The following ANXA8 variants were observed in gnomAD, a reference collection of about 807,000 sequenced individuals.
The protein encoded by ANXA8 is VAC-beta.
A neutral mutation model predicts 26.8 loss-of-function variants in ANXA8; 9 were observed. The observed-to-expected ratio is 0.34, with a 90% CI of 0.20 to 0.59. ANXA8 has a LOEUF of 0.59. ANXA8 is among the 20% of genes least tolerant of loss of function. The probability of loss-of-function intolerance (pLI) is 0.84; values close to 1 mark genes in which losing one functional copy is unlikely to be tolerated. For synonymous variants in ANXA8, 39 were observed against 94.8 expected (o/e 0.41, Z 3.42); for missense variants, 83 against 238.5 (o/e 0.35, Z 4.29).
the ANXA8 span, among the ~76,000 whole-genome samples, chr10:47,730,635 G>C: frequency 1.3e-5 from 2 of 152,042 alleles, no homozygotes; most frequent in Non-Finnish European, 2.9e-5. Context: ...TTGTCTTTTG[G>C]TTTCTTCCTT....
chr10:47,491,549 C>T, the ANXA8 span: 15 of 1,426,130 alleles, frequency 1.1e-5, no homozygotes, highest in Non-Finnish European at 1.4e-5. Flanking sequence ...CCCACAGACC[C>T]AGTCTGCCCC....
chr10:47,722,971 A>G, the ANXA8 span, among the ~76,000 whole-genome samples: 1 of 137,718 alleles, frequency 7.3e-6, no homozygotes, highest in African/African-American at 2.6e-5. Context: ...GAGCACAGGT[A>G]CATTGCAAAT....
the ANXA8 span, among the ~76,000 whole-genome samples, chr10:47,950,498 A>C: frequency 6.6e-6 from 1 of 150,992 alleles, no homozygotes; most frequent in Admixed American, 6.6e-5. Flanking sequence ...GCAATAAATC[A>C]ATCAACGCAA....
the ANXA8 span, among the ~76,000 whole-genome samples, chr10:47,740,963 C>T: frequency 1.9e-4 from 29 of 151,958 alleles, no homozygotes; most frequent in African/African-American, 4.6e-4. Flanking sequence ...TTACACTCTC[C>T]GCAGCCAAAA....
the ANXA8 span, among the ~76,000 whole-genome samples, chr10:47,941,927 G>A: frequency 6.8e-6 from 1 of 147,904 alleles, no homozygotes; most frequent in Non-Finnish European, 1.5e-5. Context: ...GCTGTATCAT[G>A]TAGTGAAAGA....
the ANXA8 span, among the ~76,000 whole-genome samples, chr10:47,918,411 AAG>A: frequency 5.0e-3 from 150 of 30,008 alleles, 1 homozygote; most frequent in African/African-American, 0.032. Flanking sequence ...GAAAGAAAGA[AAG>A]AAAGAAAGAA....
chr10:47,744,523 C>G, the ANXA8 span, among the ~76,000 whole-genome samples: 1 of 150,492 alleles, frequency 6.6e-6, no homozygotes, highest in Non-Finnish European at 1.5e-5. Context: ...CCCACTCTGG[C>G]AGTCACTCCA....
At chr10:47,627,460 T>A in the ANXA8 span, among the ~76,000 whole-genome samples, 1 of 150,148 alleles carries the variant, frequency 6.7e-6, no homozygotes, top group Non-Finnish European at 1.5e-5. Context: ...TTTTTGTTAC[T>A]GCCAAGATTC....
chr10:47,520,796 G>A, the ANXA8 span, among the ~76,000 whole-genome samples: 3 of 83,302 alleles, frequency 3.6e-5, no homozygotes, highest in African/African-American at 1.8e-4. Context: ...AGGTCAGGAA[G>A]TTGAGGCCAG....
the ANXA8 span, among the ~76,000 whole-genome samples, chr10:47,941,322 G>T: frequency 6.8e-6 from 1 of 146,386 alleles, no homozygotes; most frequent in Non-Finnish European, 1.5e-5. Context: ...TGCTCTGAGC[G>T]TGGGGATGGT....
chr10:47,967,244 A>G, the ANXA8 span, among the ~76,000 whole-genome samples: 1 of 150,654 alleles, frequency 6.6e-6, no homozygotes, highest in African/African-American at 2.4e-5. Flanking sequence ...TTCCATTTTT[A>G]GTACTTCTGG....
At chr10:47,769,843 T>A in the ANXA8 span, among the ~76,000 whole-genome samples, 14 of 152,380 alleles carry the variant, frequency 9.2e-5, no homozygotes, top group African/African-American at 3.4e-4. Context: ...ATATTGCTTA[T>A]AAAGGAATTC....
chr10:47,553,044 A>C, the ANXA8 span, among the ~76,000 whole-genome samples: 14 of 152,166 alleles, frequency 9.2e-5, no homozygotes, highest in East Asian at 2.7e-3. Context: ...ACTGGCCGGG[A>C]GTTAGGAGAG....
chr10:47,553,811 C>T, the ANXA8 span, among the ~76,000 whole-genome samples: 1 of 149,196 alleles, frequency 6.7e-6, no homozygotes, highest in Non-Finnish European at 1.5e-5. Flanking sequence ...GCTGTGCGGC[C>T]TGGCGCGGGT....
At chr10:47,486,258 C>T (rs1840044392), upstream of ANXA8, among the ~76,000 whole-genome samples, 1 of 150,990 alleles carries the variant, frequency 6.6e-6, no homozygotes, top group South Asian at 2.1e-4. Flanking sequence ...TTGCTAAATT[C>T]TTCATCAAGC....
At chr10:47,612,474 C>T in the ANXA8 span, among the ~76,000 whole-genome samples, 6 of 70,880 alleles carry the variant, frequency 8.5e-5, 2 homozygotes, top group Non-Finnish European at 2.1e-4. Context: ...CAGGTTGAAA[C>T]TGTGCTTCAG....
At chr10:47,975,144 C>T in the ANXA8 span, among the ~76,000 whole-genome samples, 1 of 148,378 alleles carries the variant, frequency 6.7e-6, no homozygotes. Flanking sequence ...GCCTCATCAT[C>T]TTATGAACTA....
chr10:47,777,747 AG>A, the ANXA8 span, among the ~76,000 whole-genome samples: 1 of 152,012 alleles, frequency 6.6e-6, no homozygotes, highest in Admixed American at 6.5e-5. Context: ...GCACAACTAA[AG>A]GGCATCAAAC....
the ANXA8 span, among the ~76,000 whole-genome samples, chr10:47,655,158 C>CT: frequency 1.3e-5 from 1 of 78,330 alleles, no homozygotes; most frequent in Non-Finnish European, 2.5e-5. Flanking sequence ...GATATCAACA[C>CT]TTTATTTTTT....
Sources: gnomAD v4.1 joint callset for allele counts (sites outside exome capture counted in the v4.1 genomes callset) on GRCh38, gnomAD v4.1.1 for gene constraint, MANE v1.5 for transcripts, NCBI Gene and HGNC (gene_info 2026-07-23, HGNC 2026-07-21) for gene names.